Variants in FUZ observed in about 807,000 individuals in gnomAD.
FUZ encodes the protein fuzzy planar cell polarity protein.
Under a neutral mutation model 43.1 loss-of-function variants are expected in FUZ, and 31 were observed. The observed-to-expected ratio is 0.72, with a 90% CI of 0.54 to 0.97. FUZ has a LOEUF of 0.97. Ranked by LOEUF, FUZ falls within the 50% of genes least tolerant of loss-of-function variation. FUZ has a pLI of 0.00. For synonymous variants in FUZ, 274 were observed against 250.0 expected (o/e 1.10, Z -0.91); for missense variants, 539 against 543.8 (o/e 0.99, Z 0.09).
intron 2 of FUZ, 79 bp from the exon 3 acceptor site, chr19:49,812,414 T>C: frequency 2.2e-6 from 3 of 1,373,160 alleles, no homozygotes; most frequent in Middle Eastern, 1.8e-4. Flanking sequence ...CCATTGATCC[T>C]AGAACACCAG....
At chr19:49,811,332 G>A (rs1381310492) in intron 5 of FUZ, 31 bp downstream of exon 5, 1 of 1,451,984 alleles carries the variant, frequency 6.9e-7, no homozygotes, top group African/African-American at 1.4e-5. Flanking sequence ...CAGCAGAACA[G>A]GTGTAAGAGT....
At chr19:49,812,106 T>G in intron 3 of FUZ, 145 bp downstream of exon 3, 1 of 731,500 alleles carries the variant, frequency 1.4e-6, no homozygotes. Flanking sequence ...AGACTCCGTC[T>G]CAAAACAAAA....
intron 9 of FUZ, 36 bp downstream of exon 9, chr19:49,808,538 C>A: frequency 6.4e-7 from 1 of 1,553,672 alleles, no homozygotes; most frequent in East Asian, 2.3e-5. Flanking sequence ...GGCCCACGCC[C>A]CTCCTACCCC....
In FUZ at chr19:49,807,019, C is replaced by CT; in HGVS notation, c.*131dup. On this transcript the variant is annotated 3_prime_UTR_variant, in exon 11 of 11. Coordinates refer to ENST00000313777, the MANE Select transcript of FUZ (RefSeq NM_025129.5). The stretch of plus-strand genomic sequence containing the variant: ...GAGGGGCCAGGGAAGTGGATGTCTC[C>CT]TCCCCTCCCACCCCACCCTGTTGTA... 1.3e-6 allele frequency: 2 copies of CT among 1,500,400 alleles called. No homozygotes were observed. The highest frequency in any genetic ancestry group is 2.0e-5 in the Admixed American group (1 of 50,150). 92.9% of individuals were successfully genotyped at this position (1,500,400 alleles called of 1,614,324 possible).
chr19:49,809,638 C>T lies in FUZ; in HGVS notation c.493-63G>A, dbSNP rs552828787. 2.7e-6 allele frequency: 4 copies of T among 1,499,704 alleles called. No individual in the cohort carries two copies. In the South Asian group the frequency reaches 4.8e-5, roughly 18 times the overall value. 92.9% of individuals were successfully genotyped at this position (1,499,704 alleles called of 1,614,324 possible). On this transcript the variant is annotated intron_variant, in intron 5 of 10. Coordinates refer to ENST00000313777, the MANE Select transcript of FUZ (RefSeq NM_025129.5). The surrounding 1 kb of genome is among the most constrained non-coding windows in gnomAD (Gnocchi z 5.1). ...CAAGCGTAGGGGGTGGCAGCGACTT[C>T]CCAGATGGGCAGGGAATGGGGAGAA...
At chr19:49,807,705 G>A (rs942245187) in intron 10 of FUZ, among the ~76,000 whole-genome samples, 10 of 152,120 alleles carry the variant, frequency 6.6e-5, no homozygotes, top group Admixed American at 1.3e-4. Context: ...GAGCCCACCC[G>A]CCCCACTGTA....
rs2073615650 is a variant in FUZ at position 49,809,129 on chromosome 19, C to T, written c.786+34G>A. On this transcript the variant is annotated intron_variant, in intron 7 of 10. Coordinates refer to ENST00000313777, the MANE Select transcript of FUZ (RefSeq NM_025129.5). The surrounding 1 kb of genome is among the most constrained non-coding windows in gnomAD (Gnocchi z 5.1). ...AAGGGCCCTCCTGGTAGCGGGTGTC[C>T]TAAGAGCGAAAGCGGGACGTGGCGC... 1 of 1,543,446 alleles carries T rather than the reference C, an allele frequency of 6.5e-7. No homozygotes were observed. The highest frequency in any genetic ancestry group is 1.4e-5 in the African/African-American group (1 of 72,566).
Position 49,806,929 on chromosome 19 carries a change from G to A in FUZ, c.*222C>T. On this transcript the variant is annotated 3_prime_UTR_variant, in exon 11 of 11. Transcript: ENST00000313777. Reference sequence around the variant, plus strand: ...TTTTTATTTTTGTTCATCTGCTGCTGTTTACATTCTGGGGGGTTAGGGGGA... The same window carrying A: ...TTTTTATTTTTGTTCATCTGCTGCTATTTACATTCTGGGGGGTTAGGGGGA... 6.5e-7 allele frequency: 1 copy of A among 1,534,938 alleles called. No individual in the cohort carries two copies. The highest frequency in any genetic ancestry group is 8.7e-7 in the Non-Finnish European group (1 of 1,146,862).
intron 5 of FUZ, among the ~76,000 whole-genome samples, chr19:49,810,126 C>T (rs2073690216): frequency 6.6e-6 from 1 of 152,170 alleles, no homozygotes; most frequent in East Asian, 1.9e-4. Context: ...GGCCTTCAAA[C>T]ACCAGGCTGA....
rs909344036 is a variant in FUZ at position 49,813,230 on chromosome 19, G to A, written c.-124C>T. The A allele has an allele frequency of 1.1e-6, 1 of 883,584 alleles. No individual in the cohort carries two copies. Among genetic ancestry groups the A allele is most frequent in the Non-Finnish European group, 1.8e-6 (1 of 542,508 alleles). 54.7% of individuals were successfully genotyped at this position (883,584 alleles called of 1,614,324 possible). On this transcript the variant is annotated 5_prime_UTR_variant, in exon 1 of 11. Coordinates refer to ENST00000313777, the MANE Select transcript of FUZ (RefSeq NM_025129.5). The stretch of plus-strand genomic sequence containing the variant: ...AGAGGGCGAGATGGGGAGCTGATTG[G>A]AAGAGGATTAACTTCCCGCCTTCTT...
At position 49,808,707 on chromosome 19, in the gene FUZ, C is replaced by T. The variant is rs776229517; in HGVS notation, c.893+10G>A. ...TGACCCCCGACCCACTCCCTCCATC[C>T]GAGCCCTACCCGAGGATGTCTGTGT... On this transcript the variant is annotated intron_variant, in intron 8 of 10. Transcript: ENST00000313777. 3 of 1,596,864 alleles carry T rather than the reference C, an allele frequency of 1.9e-6. No individual in the cohort carries two copies. The African/African-American group carries it at 4.0e-5, about 21-fold the overall frequency.
rs764877879 is a variant in FUZ, at chr19:49,813,094, C to A, written c.13G>T (p.Gly5Trp). Residue 5 changes from glycine (G) to tryptophan (W), a missense_variant, in exon 1 of 11, where the codon GGG (glycine) becomes TGG (tryptophan). By Grantham distance (184) the Gly-to-Trp change is radical. Coordinates refer to ENST00000313777, the MANE Select transcript of FUZ (RefSeq NM_025129.5). The part of the protein sequence containing the change: MGEE[G>W]TGGTVHLLCL... The stretch of plus-strand genomic sequence containing the variant: ...AGCAGATGCACAGTGCCGCCCGTCC[C>A]CTCCTCCCCCATTTAGGACTCCCAC... 1 of 1,551,334 alleles carries A rather than the reference C, an allele frequency of 6.4e-7. No individual in the cohort carries two copies. Among genetic ancestry groups the A allele is most frequent in the South Asian group, 1.2e-5 (1 of 84,062 alleles).
intron 5 of FUZ, chr19:49,811,075 C>T (rs1215447829): frequency 2.4e-5 from 11 of 458,164 alleles, no homozygotes; most frequent in Middle Eastern, 6.5e-4. Flanking sequence ...TACTTGAACC[C>T]GGGAGGCGCA....
chr19:49,813,220 G>A lies in FUZ; in HGVS notation c.-114C>T, dbSNP rs1369641990. On this transcript the variant is annotated 5_prime_UTR_variant, in exon 1 of 11. Transcript: ENST00000313777. ...CGGAGCCGCCAGAGGGCGAGATGGG[G>A]AGCTGATTGGAAGAGGATTAACTTC... 3.2e-6 allele frequency: 3 copies of A among 930,130 alleles called. No homozygotes were observed. The highest frequency in any genetic ancestry group is 6.2e-4 in the Middle Eastern group (2 of 3,234). 57.6% of individuals were successfully genotyped at this position (930,130 alleles called of 1,614,324 possible). A position where few individuals can be genotyped will look rare whatever the true frequency, so the allele number is the denominator to read the frequency against.
chr19:49,813,008 G>C lies in FUZ; in HGVS notation c.99C>G (p.Pro33=). 3.9e-6 allele frequency: 6 copies of C among 1,550,622 alleles called. No individual in the cohort carries two copies. The African/African-American group carries it at 6.8e-5, about 18-fold the overall frequency. The change falls in exon 1 of 11, where the codon CCC becomes CCG. Residue 33 remains proline (P), a synonymous_variant. Transcript: ENST00000313777. ...TCCAAGGCCCCACCTGCTGACGGGC[G>C]GGGGCGCCGCCGCGACTGCTCCTGC... ...LFCRSSRGGA[P]ARQQLPFSVI...
chr19:49,807,467 G>C, intron 10 of FUZ, 93 bp from the exon 11 acceptor site: 1 of 1,323,988 alleles, frequency 7.6e-7, no homozygotes, highest in Non-Finnish European at 1.1e-6. Context: ...GAACGCGTGG[G>C]GTCTCTGAAC....
At chr19:49,810,678 CAAAAAAA>C (rs34752826) in intron 5 of FUZ, among the ~76,000 whole-genome samples, 2,203 of 90,536 alleles carry the variant, frequency 0.024, 84 homozygotes, top group East Asian at 0.2. Flanking sequence ...GACTCTGTCT[CAAAAAAA>C]AAAAAAAAAA....
rs2073865479 is a variant in FUZ, at chr19:49,813,006, G to A, written c.101C>T (p.Ala34Val). ...FCRSSRGGAP[A>V]RQQLPFSVIG... ...CGTCCAAGGCCCCACCTGCTGACGG[G>A]CGGGGGCGCCGCCGCGACTGCTCCT... The change falls in exon 1 of 11, where the codon GCC (alanine) becomes GTC (valine). Residue 34 changes from alanine to valine, a missense_variant. Physicochemically the swap from Ala to Val is moderately conservative, Grantham distance 64 (BLOSUM62 0). Coordinates refer to ENST00000313777, the MANE Select transcript of FUZ (RefSeq NM_025129.5). The A allele has an allele frequency of 3.2e-6, 5 of 1,550,762 alleles. No individual in the cohort carries two copies. Among genetic ancestry groups the A allele is most frequent in the Middle Eastern group, 1.7e-4 (1 of 6,010 alleles).
In FUZ at chr19:49,809,208, A is replaced by G; in HGVS notation, c.741T>C (p.Cys247=). Residue 247 remains cysteine, a synonymous_variant, in exon 7 of 11, where the codon TGT becomes TGC. Coordinates refer to ENST00000313777, the MANE Select transcript of FUZ (RefSeq NM_025129.5). The surrounding 1 kb of genome is among the most constrained non-coding windows in gnomAD (Gnocchi z 5.1). ...GGGGTGGGCTCGGCCCGCAGAGTAG[A>G]CACAGCTCCAGGCTCGGCAGCAGAG... is the stretch of plus-strand genomic sequence containing the variant. ...TLTLLPSLEL[C]LLCGPSPPLS... 1 of 1,551,416 alleles carries G rather than the reference A, an allele frequency of 6.4e-7. No homozygotes were observed. Among genetic ancestry groups the G allele is most frequent in the Non-Finnish European group, 8.7e-7 (1 of 1,147,068 alleles).
Sources: gnomAD v4.1 joint callset for allele counts (sites outside exome capture counted in the v4.1 genomes callset) on GRCh38, gnomAD v4.1.1 for gene constraint, Gnocchi (gnomAD v3.1) non-coding constraint, MANE v1.5 for transcripts, NCBI Gene and HGNC (gene_info 2026-07-23, HGNC 2026-07-21) for gene names.